PARD3: variants seen among roughly 807,000 people sequenced by gnomAD.
PARD3 encodes the protein partitioning defective 3 homolog.
PARD3 carries 75 observed loss-of-function variants against 155.4 expected under a neutral mutation model. The observed-to-expected ratio is 0.48, with a 90% confidence interval of 0.40 to 0.58. PARD3 has a LOEUF of 0.58. Ranked by LOEUF, PARD3 falls within the 20% of genes least tolerant of loss-of-function variation. The pLI is 0.00. For missense variants in PARD3, 1,642 were observed against 1,721.7 expected (o/e 0.95, Z 0.82); for synonymous variants, 576 against 610.5 (o/e 0.94, Z 0.83).
intron 1 of PARD3, among the ~76,000 whole-genome samples, chr10:34,708,982 T>C (rs564846853): frequency 6.6e-6 from 1 of 152,312 alleles, no homozygotes; most frequent in African/African-American, 2.4e-5. Context: ...TAAAGTGCCA[T>C]GTCTGCAAAT....
intron 2 of PARD3, among the ~76,000 whole-genome samples, chr10:34,521,990 T>C (rs1237519318): frequency 6.6e-6 from 1 of 152,124 alleles, no homozygotes; most frequent in Admixed American, 6.5e-5. Context: ...AAGAGGATGG[T>C]GGTTGTGGGT....
chr10:34,132,517 C>T (rs1159483796), intron 22 of PARD3, among the ~76,000 whole-genome samples: 2 of 152,274 alleles, frequency 1.3e-5, no homozygotes, highest in East Asian at 3.9e-4. Flanking sequence ...GGCTCCAAAG[C>T]TCTTCATTTG....
chr10:34,649,246 T>C (rs2092935071), intron 2 of PARD3, among the ~76,000 whole-genome samples: 1 of 152,154 alleles, frequency 6.6e-6, no homozygotes, highest in Admixed American at 6.5e-5. Flanking sequence ...GAGTTTGAGA[T>C]CGGCCTGGGA....
intron 1 of PARD3, among the ~76,000 whole-genome samples, chr10:34,719,619 C>T (rs2094573295): frequency 6.6e-6 from 1 of 152,134 alleles, no homozygotes. Context: ...TTAGTTAGAC[C>T]TGCTCGATAT....
At chr10:34,802,389 T>G (rs1842903429) in intron 1 of PARD3, among the ~76,000 whole-genome samples, 1 of 152,180 alleles carries the variant, frequency 6.6e-6, no homozygotes, top group South Asian at 2.1e-4. Flanking sequence ...AAATTTTGCC[T>G]AATCTATGTT....
intron 2 of PARD3, among the ~76,000 whole-genome samples, chr10:34,542,232 T>TGC (rs1171817871): frequency 4.4e-4 from 2 of 4,592 alleles, no homozygotes; most frequent in Non-Finnish European, 5.1e-3. Context: ...TGTGTGTGTG[T>TGC]GTGTGTGCAC....
At chr10:34,561,620 G>A (rs1316045342) in intron 2 of PARD3, among the ~76,000 whole-genome samples, 3 of 151,892 alleles carry the variant, frequency 2.0e-5, no homozygotes, top group Non-Finnish European at 4.4e-5. Context: ...CTGGGTTCAA[G>A]CAATTCTCCT....
intron 2 of PARD3, among the ~76,000 whole-genome samples, chr10:34,572,266 G>A (rs1395190069): frequency 6.6e-6 from 1 of 152,116 alleles, no homozygotes; most frequent in East Asian, 1.9e-4. Context: ...CAGCACTTTA[G>A]GAGGCTGACA....
At chr10:34,772,790 T>C (rs1311164378) in intron 1 of PARD3, among the ~76,000 whole-genome samples, 1 of 97,924 alleles carries the variant, frequency 1.0e-5, no homozygotes, top group Non-Finnish European at 1.9e-5. Flanking sequence ...CAAGACTCCA[T>C]CTAAAAAAAA....
intron 10 of PARD3, among the ~76,000 whole-genome samples, chr10:34,377,519 G>T (rs1841371866): frequency 6.6e-6 from 1 of 152,186 alleles, no homozygotes; most frequent in Non-Finnish European, 1.5e-5. Flanking sequence ...GAACCCAGAA[G>T]GTGGAGGCTG....
intron 2 of PARD3, among the ~76,000 whole-genome samples, chr10:34,663,424 C>T (rs2093376162): frequency 6.6e-6 from 1 of 152,102 alleles, no homozygotes; most frequent in Admixed American, 6.5e-5. Flanking sequence ...GGAGATCGCA[C>T]CATTGCACTC....
intron 22 of PARD3, among the ~76,000 whole-genome samples, chr10:34,142,840 T>C (rs550099165): frequency 1.3e-5 from 2 of 152,280 alleles, no homozygotes; most frequent in African/African-American, 4.8e-5. Flanking sequence ...AGTTTGTGGA[T>C]TATATTATTC....
intron 22 of PARD3, among the ~76,000 whole-genome samples, chr10:34,179,657 A>G (rs936812060): frequency 2.0e-5 from 3 of 152,214 alleles, no homozygotes; most frequent in African/African-American, 4.8e-5. Context: ...GCTTGGCTGT[A>G]TCTGTTTGAA....
chr10:34,236,074 T>C (rs1185503494), intron 22 of PARD3, among the ~76,000 whole-genome samples: 1 of 152,194 alleles, frequency 6.6e-6, no homozygotes, highest in Non-Finnish European at 1.5e-5. Context: ...TTGGAGATTA[T>C]ACCTAATCCA....
At chr10:34,482,919 C>T (rs899357815) in intron 3 of PARD3, among the ~76,000 whole-genome samples, 12 of 151,668 alleles carry the variant, frequency 7.9e-5, no homozygotes, top group Non-Finnish European at 1.5e-4. Context: ...GAGGCCAAGG[C>T]GGGCAGATCA....
At chr10:34,675,892 A>T (rs2093695844) in intron 2 of PARD3, 1 of 194,882 alleles carries the variant, frequency 5.1e-6, no homozygotes, top group Non-Finnish European at 1.1e-5. Flanking sequence ...ATACAGGCAC[A>T]CAAAGATGGG....
chr10:34,517,038 G>A lies in PARD3; in HGVS notation c.344C>T (p.Ala115Val), dbSNP rs887505054. 4 of 1,614,070 alleles carry A rather than the reference G, an allele frequency of 2.5e-6. No individual in the cohort carries two copies. The highest frequency in any genetic ancestry group is 1.7e-5 in the Admixed American group (1 of 60,016). The change falls in exon 3 of 25, where the codon GCC becomes GTC. Residue 115 changes from alanine to valine, a missense_variant. Around this residue, in one of 3 missense-constraint regions of PARD3, gnomAD observed 1,529 missense variants for 1,587.3 expected, o/e 0.96. Coordinates refer to ENST00000374788, the MANE Select transcript of PARD3 (RefSeq NM_001184785.2). ...GSELGTNNVS[A>V]FQPYQATSEI... ...ACTTGTTGCTTGGTAAGGCTGAAAG[G>A]CTGAGACATTGTTGGTGCCAAGCTC...
intron 20 of PARD3, among the ~76,000 whole-genome samples, chr10:34,288,082 A>G: frequency 6.6e-6 from 1 of 152,124 alleles, no homozygotes; most frequent in East Asian, 1.9e-4. Context: ...GTGGTGGTAC[A>G]CACCTGTAGT....
intron 3 of PARD3, among the ~76,000 whole-genome samples, chr10:34,470,756 TAAGC>T (rs1470335464): frequency 6.6e-6 from 1 of 152,162 alleles, no homozygotes; most frequent in East Asian, 1.9e-4. Flanking sequence ...ATAATGAATC[TAAGC>T]AAGTAAACAA....
Sources: allele counts gnomAD v4.1 joint callset (sites outside exome capture counted in the v4.1 genomes callset), GRCh38; gene constraint gnomAD v4.1.1; regional missense constraint gnomAD v4.1.1; transcripts MANE v1.5; gene names NCBI Gene and HGNC (gene_info 2026-07-23, HGNC 2026-07-21).